The following FNIP2 variants were observed in gnomAD, a reference collection of about 807,000 sequenced individuals.
The protein encoded by FNIP2 is folliculin-interacting protein 2.
A neutral mutation model predicts 108.7 loss-of-function variants in FNIP2; 32 were observed. That is an observed-to-expected ratio of 0.29 (90% CI 0.22 to 0.40). FNIP2 has a LOEUF of 0.40. Among genes scored for constraint, FNIP2 ranks in the 10% least tolerant of loss-of-function variants. The pLI, the probability that FNIP2 is intolerant of heterozygous loss-of-function variation, is 1.00. For synonymous variants in FNIP2, 480 were observed against 496.7 expected (o/e 0.97, Z 0.45); for missense variants, 1,202 against 1,381.6 (o/e 0.87, Z 2.06).
chr4:158,798,299 A>G (rs1212455559), intron 1 of FNIP2, among the ~76,000 whole-genome samples: 1 of 152,102 alleles, frequency 6.6e-6, no homozygotes, highest in African/African-American at 2.4e-5. Flanking sequence ...CTTAAACTGA[A>G]GTGATCCTCC....
intron 1 of FNIP2, among the ~76,000 whole-genome samples, chr4:158,788,401 A>G (rs1379062649): frequency 6.6e-6 from 1 of 152,240 alleles, no homozygotes; most frequent in African/African-American, 2.4e-5. Context: ...CACAAGACAA[A>G]TGTCTGAATA....
chr4:158,821,179 A>T (rs1474214186), intron 1 of FNIP2, among the ~76,000 whole-genome samples: 1 of 152,232 alleles, frequency 6.6e-6, no homozygotes, highest in African/African-American at 2.4e-5. Context: ...AGTCTGTATA[A>T]GTCATTTTGC....
intron 1 of FNIP2, among the ~76,000 whole-genome samples, chr4:158,812,089 C>T (rs13106780): frequency 6.6e-6 from 1 of 152,008 alleles, no homozygotes; most frequent in Admixed American, 6.5e-5. Flanking sequence ...AGCGGCTGCA[C>T]ACTGTGATAT....
At chr4:158,895,939 C>A in intron 16 of FNIP2, 74 bp downstream of exon 16, 4 of 1,095,818 alleles carry the variant, frequency 3.7e-6, no homozygotes, top group African/African-American at 1.6e-5. Context: ...ACGTGTTTAG[C>A]CTGTGTCACC....
chr4:158,791,136 G>T (rs938235834), intron 1 of FNIP2, among the ~76,000 whole-genome samples: 5 of 152,026 alleles, frequency 3.3e-5, no homozygotes, highest in East Asian at 1.9e-4. Context: ...GGAATTTTCT[G>T]ATAGGAATTT....
rs563498675 is a variant in FNIP2 at position 158,871,826 on chromosome 4, A to C, written c.2949+1357A>C. ...TTATCATTTCATGAGTCCATGCATC[A>C]ATGACCCCTGTAAGAAAAATGCCCT... On this transcript the variant is annotated intron_variant, in intron 14 of 16. Coordinates refer to ENST00000264433, the MANE Select transcript of FNIP2 (RefSeq NM_020840.3). 1.5e-5 allele frequency: 15 copies of C among 985,398 alleles called. No individual in the cohort carries two copies. The African/African-American group carries it at 2.6e-4, about 17-fold the overall frequency. 61.0% of individuals were successfully genotyped at this position (985,398 alleles called of 1,614,324 possible). A position where few individuals can be genotyped will look rare whatever the true frequency, so the allele number is the denominator to read the frequency against.
intron 12 of FNIP2, among the ~76,000 whole-genome samples, chr4:158,862,343 T>C (rs1780343266): frequency 1.3e-5 from 2 of 152,238 alleles, no homozygotes; most frequent in Non-Finnish European, 2.9e-5. Context: ...TCCCTACCCT[T>C]ATTACTCTCA....
intron 1 of FNIP2, among the ~76,000 whole-genome samples, chr4:158,795,637 G>T (rs980081719): frequency 9.2e-5 from 14 of 152,140 alleles, no homozygotes; most frequent in South Asian, 2.1e-4. Flanking sequence ...CTAAACCAGG[G>T]GTCCCCAACT....
intron 1 of FNIP2, among the ~76,000 whole-genome samples, chr4:158,786,017 T>A (rs1022265300): frequency 1.3e-5 from 2 of 152,222 alleles, no homozygotes; most frequent in African/African-American, 4.8e-5. Context: ...TAAACCAATC[T>A]GACCTTTGCC....
At chr4:158,860,802 G>A (rs188913470) in intron 10 of FNIP2, among the ~76,000 whole-genome samples, 56 of 151,426 alleles carry the variant, frequency 3.7e-4, no homozygotes, top group Admixed American at 9.2e-4. Flanking sequence ...GTTTACAGGC[G>A]CGCGCCACCA....
rs1781473688 is a variant in FNIP2, at chr4:158,879,634, A to G, written c.2949+9165A>G. On this transcript the variant is annotated intron_variant, in intron 14 of 16. Transcript: ENST00000264433. ...AAAGAGCTTCTGCATGGCAAAAGAA[A>G]CTACCATCAGAGTGAACAGGCAACC... Among the ~76,000 whole-genome samples the G allele has an allele frequency of 1.3e-5, 2 of 150,492 alleles. 1 individual carries two copies. The highest frequency in any genetic ancestry group is 4.9e-5 in the African/African-American group (2 of 40,426).
chr4:158,844,233 T>C (rs535204942), intron 7 of FNIP2, among the ~76,000 whole-genome samples: 1 of 152,222 alleles, frequency 6.6e-6, no homozygotes, highest in Non-Finnish European at 1.5e-5. Context: ...CAGCAGCTCA[T>C]ATAGTACCTG....
chr4:158,897,794 C>T (rs1026128553), intron 16 of FNIP2, among the ~76,000 whole-genome samples: 7 of 152,128 alleles, frequency 4.6e-5, no homozygotes, highest in African/African-American at 1.7e-4. Context: ...AAGTTGCCTG[C>T]TCACTCTGAT....
chr4:158,892,625 T>G (rs549316981), intron 15 of FNIP2, among the ~76,000 whole-genome samples: 52 of 152,180 alleles, frequency 3.4e-4, no homozygotes, highest in African/African-American at 1.2e-3. Context: ...TGATGAACAC[T>G]TAAAAAGAGA....
chr4:158,795,422 C>G (rs1426688714), intron 1 of FNIP2, among the ~76,000 whole-genome samples: 1 of 152,260 alleles, frequency 6.6e-6, no homozygotes, highest in Non-Finnish European at 1.5e-5. Flanking sequence ...AGTTCATCCT[C>G]TGGCTCAGGG....
chr4:158,840,481 C>T (rs930876863), intron 7 of FNIP2, among the ~76,000 whole-genome samples: 2 of 152,018 alleles, frequency 1.3e-5, no homozygotes, highest in African/African-American at 4.8e-5. Flanking sequence ...CTGCAACCTC[C>T]GTCTCCCAGG....
intron 1 of FNIP2, 61 bp downstream of exon 1, chr4:158,769,380 G>C: frequency 8.5e-7 from 1 of 1,173,090 alleles, no homozygotes; most frequent in Non-Finnish European, 1.1e-6. Flanking sequence ...GTGCTCGCCG[G>C]GGAGGGGACG....
At position 158,870,314 on chromosome 4, in the gene FNIP2, T is replaced by C; in HGVS notation, c.2794T>C (p.Ser932Pro). The C allele has an allele frequency of 1.9e-6, 3 of 1,612,944 alleles. No homozygotes were observed. Among genetic ancestry groups the C allele is most frequent in the Non-Finnish European group, 2.5e-6 (3 of 1,178,988 alleles). ...TTAATGGGCCACATGTTGTTTTAGGTCTCAGAGCATCAGCACCCAGAATGT... is the reference window on the plus strand; with the variant it reads ...TTAATGGGCCACATGTTGTTTTAGGCCTCAGAGCATCAGCACCCAGAATGT... Reference protein sequence around the residue: ...SLEVELPLPRSQSISTQNVRN... With the variant: ...SLEVELPLPRPQSISTQNVRN... Residue 932 changes from serine to proline, a missense_variant and splice_region_variant, in exon 14 of 17, where the codon TCT becomes CCT. Physicochemically the swap from Ser to Pro is moderately conservative, Grantham distance 74. Coordinates refer to ENST00000264433, the MANE Select transcript of FNIP2 (RefSeq NM_020840.3).
At chr4:158,866,171 T>G (rs1780563446) in intron 12 of FNIP2, among the ~76,000 whole-genome samples, 1 of 150,526 alleles carries the variant, frequency 6.6e-6, no homozygotes. Flanking sequence ...TCAGTTCTCC[T>G]TTATTTAGTA....
Sources: gnomAD v4.1 joint callset for allele counts (sites outside exome capture counted in the v4.1 genomes callset) on GRCh38, gnomAD v4.1.1 for gene constraint, MANE v1.5 for transcripts, NCBI Gene and HGNC (gene_info 2026-07-23, HGNC 2026-07-21) for gene names.